CNTN6: variants seen among roughly 807,000 people sequenced by gnomAD.
CNTN6 encodes the protein contactin-6.
CNTN6 carries 137 observed loss-of-function variants against 122.8 expected under a neutral mutation model. That is an observed-to-expected ratio of 1.12 (90% CI 0.97 to 1.29). The LOEUF is 1.29. Ranked by LOEUF, CNTN6 falls within the 50% of genes most tolerant of loss-of-function variation. The pLI is 0.00. For missense variants in CNTN6, 1,634 were observed against 1,223.4 expected (o/e 1.34, Z -5.01); for synonymous variants, 570 against 426.0 (o/e 1.34, Z -4.16).
At chr3:1,148,883 A>G (rs976092879) in intron 2 of CNTN6, among the ~76,000 whole-genome samples, 4 of 152,134 alleles carry the variant, frequency 2.6e-5, no homozygotes, top group Non-Finnish European at 5.9e-5. Flanking sequence ...TGTGGTCCAA[A>G]TGTTACCCTC....
Position 1,148,014 on chromosome 3 carries a change from GT to G in CNTN6, c.8del (p.Leu3CysfsTer6). 6.2e-7 allele frequency: 1 copy of G among 1,606,726 alleles called. No homozygotes were observed. Among genetic ancestry groups the G allele is most frequent in the Admixed American group, 1.7e-5 (1 of 59,924 alleles). On this transcript the variant is annotated frameshift_variant, in exon 2 of 23. Transcript: ENST00000446702. LOFTEE classifies it high-confidence loss of function. ...TTTGACCTTAGAAAGTGGAAATGAG[GT>G]TGCTATGGAAACTGGTAATTCTGCT... MR[L>X]LWKLVILLPL...
chr3:1,131,735 C>T (rs1159932833), intron 1 of CNTN6, among the ~76,000 whole-genome samples: 1 of 152,078 alleles, frequency 6.6e-6, no homozygotes, highest in East Asian at 1.9e-4. Flanking sequence ...ATAAATCTTC[C>T]TAGAACCAAT....
At chr3:1,296,258 G>A (rs370584436) in intron 6 of CNTN6, among the ~76,000 whole-genome samples, 1 of 152,012 alleles carries the variant, frequency 6.6e-6, no homozygotes, top group Non-Finnish European at 1.5e-5. Context: ...GCAAAATGGA[G>A]GGAAAAGTTC....
chr3:1,212,530 T>C (rs1183428604), intron 2 of CNTN6, among the ~76,000 whole-genome samples: 1 of 151,440 alleles, frequency 6.6e-6, no homozygotes, highest in African/African-American at 2.4e-5. Context: ...TGTGTGTATA[T>C]ATATACACAC....
intron 1 of CNTN6, among the ~76,000 whole-genome samples, chr3:1,109,431 T>A (rs9816585): frequency 0.04 from 6,014 of 152,126 alleles, 426 homozygotes; most frequent in African/African-American, 0.14. Context: ...GAAACACTTT[T>A]AAAATGTCAA....
chr3:1,104,108 C>T (rs907053501), intron 1 of CNTN6, among the ~76,000 whole-genome samples: 1 of 152,062 alleles, frequency 6.6e-6, no homozygotes, highest in Non-Finnish European at 1.5e-5. Context: ...AGTTCTGCTC[C>T]TGTAAAATTC....
chr3:1,115,031 T>C (rs1236569440), intron 1 of CNTN6, among the ~76,000 whole-genome samples: 1 of 152,104 alleles, frequency 6.6e-6, no homozygotes, highest in African/African-American at 2.4e-5. Flanking sequence ...TTGGAAAATA[T>C]TTGTAGGTAA....
chr3:1,319,833 GAAAATAAAATAAAATAAAAT>G (rs61076777), intron 7 of CNTN6, among the ~76,000 whole-genome samples: 9 of 136,090 alleles, frequency 6.6e-5, no homozygotes, highest in African/African-American at 2.5e-4. Flanking sequence ...ACAGAGAGCA[GAAAATAAAATAAAATAAAAT>G]AAAATAAAAT....
chr3:1,379,621 A>G (rs1710368222), intron 17 of CNTN6, among the ~76,000 whole-genome samples: 1 of 152,094 alleles, frequency 6.6e-6, no homozygotes, highest in African/African-American at 2.4e-5. Flanking sequence ...CTACAGAAAA[A>G]GCATACTAAC....
At chr3:1,283,006 C>T (rs575664610) in intron 5 of CNTN6, among the ~76,000 whole-genome samples, 1 of 152,188 alleles carries the variant, frequency 6.6e-6, no homozygotes, top group African/African-American at 2.4e-5. Flanking sequence ...GGAGTCTCGC[C>T]CTGTTGCCCA....
chr3:1,392,262 G>A lies in CNTN6; in HGVS notation c.2704+6465G>A, dbSNP rs1328866894. On this transcript the variant is annotated intron_variant, in intron 20 of 22. Coordinates refer to ENST00000446702, the MANE Select transcript of CNTN6 (RefSeq NM_001289080.2). ...TCAGAAATAACGCCGCATATCTACA[G>A]CTATCTGATCTTTGACAAACCTGAG... Among the ~76,000 whole-genome samples, 25 of 152,186 alleles carry A rather than the reference G, an allele frequency of 1.6e-4. No individual in the cohort carries two copies. In the East Asian group the frequency reaches 2.9e-3, roughly 18 times the overall value.
chr3:1,325,854 T>C lies in CNTN6; in HGVS notation c.986T>C (p.Leu329Pro). 6.2e-7 allele frequency: 1 copy of C among 1,611,838 alleles called. No individual in the cohort carries two copies. Among genetic ancestry groups the C allele is most frequent in the Non-Finnish European group, 8.5e-7 (1 of 1,178,670 alleles). ...GAACAGAAAATCCAAAATACACACC[T>C]CTCTATCTATGACAACTTGCTCTGG... ...EWEQKIQNTH[L>P]SIYDNLLWEC... The change falls in exon 9 of 23, where the codon CTC becomes CCC. Residue 329 changes from leucine to proline, a missense_variant. Leu to Pro is a moderately conservative substitution (Grantham distance 98, BLOSUM62 -3). Coordinates refer to ENST00000446702, the MANE Select transcript of CNTN6 (RefSeq NM_001289080.2).
rs143050081 is a variant in CNTN6, at chr3:1,164,119, CT to C, written c.55+16057del. On this transcript the variant is annotated intron_variant, in intron 2 of 22. Coordinates refer to ENST00000446702, the MANE Select transcript of CNTN6 (RefSeq NM_001289080.2). ...CTGTGAAAGCTGCATGTAAGTTTGTCTGGTGAGAAAGAGACACAGGTTAACA... is the reference window on the plus strand; with the variant it reads ...CTGTGAAAGCTGCATGTAAGTTTGTCGGTGAGAAAGAGACACAGGTTAACA... Among the ~76,000 whole-genome samples the C allele has an allele frequency of 7.1e-3, 1,088 of 152,308 alleles. 13 individuals are homozygous for C. The highest frequency in any genetic ancestry group is 0.025 in the African/African-American group (1,033 of 41,568).
chr3:1,251,842 A>T (rs1261432591), intron 4 of CNTN6, among the ~76,000 whole-genome samples: 1 of 152,094 alleles, frequency 6.6e-6, no homozygotes, highest in East Asian at 1.9e-4. Context: ...CCTTTAATAT[A>T]ATTTATGTTA....
chr3:1,129,498 G>T (rs2092276849), intron 1 of CNTN6, among the ~76,000 whole-genome samples: 1 of 151,982 alleles, frequency 6.6e-6, no homozygotes. Flanking sequence ...TTCCTGTTTT[G>T]TGACCTACAG....
chr3:1,387,371 C>T (rs1310179744), intron 20 of CNTN6, among the ~76,000 whole-genome samples: 1 of 152,180 alleles, frequency 6.6e-6, no homozygotes, highest in African/African-American at 2.4e-5. Flanking sequence ...TTGACTAAAT[C>T]AATGAAGTTG....
intron 4 of CNTN6, among the ~76,000 whole-genome samples, chr3:1,251,518 C>T (rs1441553552): frequency 3.9e-5 from 6 of 152,136 alleles, no homozygotes; most frequent in African/African-American, 1.4e-4. Flanking sequence ...CTTTCACTTT[C>T]CCCCTTATTT....
chr3:1,382,930 A>ATTCT lies in CNTN6; in HGVS notation c.2167-11_2167-8dup. 6.3e-7 allele frequency: 1 copy of ATTCT among 1,596,818 alleles called. No individual in the cohort carries two copies. Among genetic ancestry groups the ATTCT allele is most frequent in the South Asian group, 1.1e-5 (1 of 90,642 alleles). On this transcript the variant is annotated splice_polypyrimidine_tract_variant and intron_variant, in intron 17 of 22. Coordinates refer to ENST00000446702, the MANE Select transcript of CNTN6 (RefSeq NM_001289080.2). ...TTGCAAATACTCAGTGATTGATCAC[A>ATTCT]TTCTGCCCAAGTCAATTCCAGAAGA...
chr3:1,262,188 A>C (rs1310456419), intron 4 of CNTN6, among the ~76,000 whole-genome samples: 1 of 152,142 alleles, frequency 6.6e-6, no homozygotes, highest in African/African-American at 2.4e-5. Flanking sequence ...AAAAATCCGA[A>C]GTAAGAGTCA....
Sources: allele counts gnomAD v4.1 joint callset (sites outside exome capture counted in the v4.1 genomes callset), GRCh38; gene constraint gnomAD v4.1.1; transcripts MANE v1.5; gene names NCBI Gene and HGNC (gene_info 2026-07-23, HGNC 2026-07-21).